VPS50: variants seen among roughly 807,000 people sequenced by gnomAD.
The protein encoded by VPS50 is syndetin.
VPS50 carries 70 observed loss-of-function variants against 139.7 expected under a neutral mutation model. The ratio of observed to expected loss-of-function variants is 0.50; its 90% CI spans 0.41 to 0.61. VPS50 has a LOEUF of 0.61. VPS50 is among the 20% of genes least tolerant of loss of function. The pLI is 0.00. For missense variants in VPS50, 921 were observed against 1,133.7 expected, an observed-to-expected ratio of 0.81 and a Z score of 2.69; for synonymous variants, 365 against 376.7, an observed-to-expected ratio of 0.97 and a Z score of 0.36.
intron 23 of VPS50, among the ~76,000 whole-genome samples, chr7:93,346,667 A>G (rs1164637138): frequency 1.3e-5 from 2 of 151,378 alleles, no homozygotes; most frequent in African/African-American, 2.4e-5. Flanking sequence ...CAGAAATAAC[A>G]CCACATATCT....
intron 12 of VPS50, among the ~76,000 whole-genome samples, chr7:93,278,168 A>T (rs1796214079): frequency 6.6e-6 from 1 of 152,194 alleles, no homozygotes; most frequent in Non-Finnish European, 1.5e-5. Flanking sequence ...AATTGTGCTC[A>T]TGCTTCATGA....
chr7:93,254,398 T>C (rs969375217), intron 4 of VPS50, among the ~76,000 whole-genome samples: 3 of 152,132 alleles, frequency 2.0e-5, no homozygotes, highest in African/African-American at 7.2e-5. Context: ...GCCTCCTGAG[T>C]AGTTGGGATT....
In VPS50 at chr7:93,254,025, CAATT is replaced by C. The variant is rs750667487; in HGVS notation, c.297+97_297+100del. The C allele has an allele frequency of 4.4e-5, 26 of 587,192 alleles. 1 individual carries two copies. The highest frequency in any genetic ancestry group is 7.5e-5 in the Non-Finnish European group (25 of 333,450). The allele number at this position is 587,192 out of a possible 1,614,324, so 36.4% of individuals were successfully genotyped here. ...TTTGCAGATTTATGGTTTTAACTAA[CAATT>C]AACATAGAAACAAATCTTGTTATTT... On this transcript the variant is annotated intron_variant, in intron 4 of 27. Transcript: ENST00000305866.
chr7:93,241,676 C>G (rs1237850770), intron 2 of VPS50, among the ~76,000 whole-genome samples: 1 of 151,768 alleles, frequency 6.6e-6, no homozygotes, highest in Non-Finnish European at 1.5e-5. Context: ...TGGCAAAGCT[C>G]CAGTCAGTAA....
At chr7:93,352,020 T>A (rs1052580026) in intron 25 of VPS50, among the ~76,000 whole-genome samples, 1 of 152,200 alleles carries the variant, frequency 6.6e-6, no homozygotes, top group Non-Finnish European at 1.5e-5. Context: ...TCTAAGCATC[T>A]AAATCTAAAC....
intron 11 of VPS50, among the ~76,000 whole-genome samples, chr7:93,274,474 T>A (rs1796094784): frequency 6.6e-6 from 1 of 152,152 alleles, no homozygotes. Flanking sequence ...AAAGCCTGGA[T>A]GATAGCACAT....
At chr7:93,306,112 C>T in intron 18 of VPS50, 108 bp downstream of exon 18, 1 of 747,856 alleles carries the variant, frequency 1.3e-6, no homozygotes, top group East Asian at 2.5e-5. Context: ...ACCACCCTGC[C>T]TGCCTGTATA....
At chr7:93,357,103 G>A (rs1798727597) in intron 27 of VPS50, among the ~76,000 whole-genome samples, 1 of 152,124 alleles carries the variant, frequency 6.6e-6, no homozygotes, top group Non-Finnish European at 1.5e-5. Flanking sequence ...TAACCAAAAT[G>A]TTAAACCTAG....
rs1795551320 is a variant in VPS50, at chr7:93,258,263, C to G, written c.527C>G (p.Thr176Ser). The G allele has an allele frequency of 6.3e-7, 1 of 1,582,908 alleles. No homozygotes were observed. The highest frequency in any genetic ancestry group is 8.7e-7 in the Non-Finnish European group (1 of 1,152,094). ...ATTGGACTTCTGAAATCTCTGAGAA[C>G]TATAAAAACATTGGTATATATGGGT... ...LLIGLLKSLR[T>S]IKTLQRTDVR... Residue 176 changes from threonine to serine, a missense_variant, in exon 7 of 28, where the codon ACT becomes AGT. By Grantham distance (58) the Thr-to-Ser change is moderately conservative. This residue lies in a region of VPS50 where 744 missense variants were observed against 930.6 expected (regional missense o/e 0.80). Coordinates refer to ENST00000305866, the MANE Select transcript of VPS50 (RefSeq NM_017667.4).
intron 20 of VPS50, among the ~76,000 whole-genome samples, chr7:93,315,080 T>C (rs1180159840): frequency 6.6e-6 from 1 of 152,178 alleles, no homozygotes; most frequent in African/African-American, 2.4e-5. Flanking sequence ...CAAATATATT[T>C]AATACGTATA....
At chr7:93,303,685 T>C in intron 17 of VPS50, 135 bp downstream of exon 17, 1 of 439,026 alleles carries the variant, frequency 2.3e-6, no homozygotes, top group Admixed American at 3.7e-5. Flanking sequence ...CTTCCTTCCT[T>C]GAAAGTCATT....
Position 93,284,518 on chromosome 7 carries a change from A to G in VPS50, c.943-7185A>G, listed in dbSNP as rs537185612. On this transcript the variant is annotated intron_variant, in intron 12 of 27. Transcript: ENST00000305866. ...ACTTAATTCCAAGTTGGGATTATTT[A>G]TATCATACATATTACATGTCTTATG... 7.2e-5 allele frequency among the ~76,000 whole-genome samples: 11 copies of G among 152,342 alleles called. No individual in the cohort carries two copies. The South Asian group carries it at 1.9e-3, about 26-fold the overall frequency.
At chr7:93,232,851 C>G (rs1167398324) in intron 1 of VPS50, among the ~76,000 whole-genome samples, 1 of 152,090 alleles carries the variant, frequency 6.6e-6, no homozygotes, top group Non-Finnish European at 1.5e-5. Flanking sequence ...GAGCTGATAG[C>G]CTGGGTAGGG....
At chr7:93,346,721 G>A (rs1798405673) in intron 23 of VPS50, among the ~76,000 whole-genome samples, 1 of 147,078 alleles carries the variant, frequency 6.8e-6, no homozygotes, top group Non-Finnish European at 1.5e-5. Context: ...ACAAGCAATG[G>A]GGAAAGGATT....
At chr7:93,346,572 C>T (rs1463538533) in intron 23 of VPS50, among the ~76,000 whole-genome samples, 2 of 152,020 alleles carry the variant, frequency 1.3e-5, no homozygotes, top group Non-Finnish European at 2.9e-5. Flanking sequence ...TGACTTCAAA[C>T]TATACTACAA....
rs748456599 is a variant in VPS50, at chr7:93,306,003, G to A, written c.1628G>A (p.Gly543Glu). The change falls in exon 18 of 28, where the codon GGG (glycine) becomes GAG (glutamate). Residue 543 changes from glycine (G) to glutamate (E), a missense_variant and splice_region_variant. By Grantham distance (98) the Gly-to-Glu change is moderately conservative. Transcript: ENST00000305866. ...EETEDVLASN[G>E]YESDEQEKSA... is the part of the protein sequence containing the mutation. Reference sequence around the variant, plus strand: ...ACAGAAGATGTCTTAGCTTCTAATGGGGTATGTGGTGTATGTGAAACATAA... The same window carrying A: ...ACAGAAGATGTCTTAGCTTCTAATGAGGTATGTGGTGTATGTGAAACATAA... 1 of 1,608,034 alleles carries A rather than the reference G, an allele frequency of 6.2e-7. No homozygotes were observed. The highest frequency in any genetic ancestry group is 8.5e-7 in the Non-Finnish European group (1 of 1,175,300).
chr7:93,338,425 C>T (rs1191194424), intron 22 of VPS50, among the ~76,000 whole-genome samples: 1 of 152,062 alleles, frequency 6.6e-6, no homozygotes, highest in African/African-American at 2.4e-5. Flanking sequence ...AGAGAAGATC[C>T]CTCTGGAAAG....
At chr7:93,335,349 T>C (rs1798042751) in intron 22 of VPS50, among the ~76,000 whole-genome samples, 1 of 152,214 alleles carries the variant, frequency 6.6e-6, no homozygotes, top group African/African-American at 2.4e-5. Flanking sequence ...CTCTTAACAT[T>C]TGGAGATCCT....
At chr7:93,274,111 C>A (rs1796085990) in intron 11 of VPS50, among the ~76,000 whole-genome samples, 1 of 152,062 alleles carries the variant, frequency 6.6e-6, no homozygotes, top group Non-Finnish European at 1.5e-5. Context: ...TGAGGTACAG[C>A]AGTATTGAAA....
Sources: allele counts gnomAD v4.1 joint callset (sites outside exome capture counted in the v4.1 genomes callset), GRCh38; gene constraint gnomAD v4.1.1; regional missense constraint gnomAD v4.1.1; transcripts MANE v1.5; gene names NCBI Gene and HGNC (gene_info 2026-07-23, HGNC 2026-07-21).